Variants in UNC13A observed in about 807,000 individuals in gnomAD.
The protein encoded by UNC13A is unc-13 homolog A, also known as protein unc-13 homolog A.
UNC13A carries 61 observed loss-of-function variants against 219.7 expected under a neutral mutation model. The ratio of observed to expected loss-of-function variants is 0.28; its 90% CI spans 0.23 to 0.34. The LOEUF is 0.34. Ranked by LOEUF, UNC13A falls within the 10% of genes least tolerant of loss-of-function variation. The pLI is 1.00. For synonymous variants in UNC13A, 920 were observed against 884.6 expected, an observed-to-expected ratio of 1.04 and a Z score of -0.71; for missense variants, 1,476 against 2,270.3, an observed-to-expected ratio of 0.65 and a Z score of 7.11.
chr19:17,636,701 T>A (rs2076915883), intron 25 of UNC13A, among the ~76,000 whole-genome samples: 2 of 152,210 alleles, frequency 1.3e-5, no homozygotes, highest in South Asian at 4.1e-4. Flanking sequence ...CCAATCCGAT[T>A]CTACCTATCT....
intron 16 of UNC13A, among the ~76,000 whole-genome samples, 164 bp from the exon 17 acceptor site, chr19:17,647,656 C>T (rs1428027793): frequency 2.0e-5 from 3 of 151,902 alleles, no homozygotes; most frequent in South Asian, 2.1e-4. Context: ...ACCCTTCACC[C>T]TTCCACCTCC....
chr19:17,609,894 T>C (rs2076583306), intron 43 of UNC13A, 46 bp downstream of exon 43: 2 of 1,605,514 alleles, frequency 1.2e-6, no homozygotes, highest in Middle Eastern at 2.2e-4. Flanking sequence ...ACCTGGCGGA[T>C]GCCCCCTCCC....
At chr19:17,650,166 T>C (rs2079316636) in intron 12 of UNC13A, among the ~76,000 whole-genome samples, 1 of 152,170 alleles carries the variant, frequency 6.6e-6, no homozygotes, top group African/African-American at 2.4e-5. Context: ...ATGATGTAAT[T>C]GCCCACCTTG....
At chr19:17,622,969 C>T (rs2076744442) in intron 36 of UNC13A, 2 of 152,354 alleles carry the variant, frequency 1.3e-5, no homozygotes, top group Non-Finnish European at 1.5e-5. Flanking sequence ...ACAAAAGTCT[C>T]CCACTTGGGC....
At chr19:17,642,998 C>A in intron 19 of UNC13A, 38 bp from the exon 20 acceptor site, 1 of 1,553,992 alleles carries the variant, frequency 6.4e-7, no homozygotes, top group East Asian at 2.4e-5. Flanking sequence ...CAGAACTTCC[C>A]ACTATAGCAG....
intron 36 of UNC13A, 166 bp downstream of exon 36, chr19:17,623,375 TC>T: frequency 3.0e-6 from 1 of 337,410 alleles, no homozygotes; most frequent in Non-Finnish European, 5.6e-6. Context: ...CCCCGCCCCC[TC>T]CCCATGCCCC....
chr19:17,662,199 G>A (rs142225912), intron 8 of UNC13A, among the ~76,000 whole-genome samples: 15,010 of 151,512 alleles, frequency 0.099, 826 homozygotes, highest in South Asian at 0.12. Flanking sequence ...GCGAGATTGC[G>A]CCACTGTACT....
At chr19:17,680,421 A>AG (rs940230295) in intron 1 of UNC13A, among the ~76,000 whole-genome samples, 7 of 151,068 alleles carry the variant, frequency 4.6e-5, no homozygotes, top group African/African-American at 1.7e-4. Context: ...GCCGGCGGAC[A>AG]GGGGGGCGGG....
Position 17,629,272 on chromosome 19 carries a change from C to A in UNC13A, c.3721G>T (p.Ala1241Ser), listed in dbSNP as rs1385374269. 6.2e-7 allele frequency: 1 copy of A among 1,612,190 alleles called. No homozygotes were observed. The highest frequency in any genetic ancestry group is 1.7e-5 in the Admixed American group (1 of 59,780). The part of the protein sequence containing the change: ...QYADIISKDF[A>S]SYCSKEKEKV... The stretch of plus-strand genomic sequence containing the variant: ...TCCTTCTCCTTGGAGCAGTAGGAGG[C>A]AAAGTCCTTGGAGATGATGTCTGCA... Residue 1241 changes from alanine (A) to serine (S), a missense_variant, in exon 31 of 44, where the codon GCC becomes TCC. Coordinates refer to ENST00000519716, the MANE Select transcript of UNC13A (RefSeq NM_001080421.3).
chr19:17,671,425 G>T (rs1157322723), intron 4 of UNC13A, among the ~76,000 whole-genome samples: 6 of 152,094 alleles, frequency 3.9e-5, no homozygotes, highest in Non-Finnish European at 4.4e-5. Flanking sequence ...GCATGGAGAG[G>T]TTGAGACTTG....
chr19:17,625,971 A>G (rs1012746264), intron 34 of UNC13A, among the ~76,000 whole-genome samples: 2 of 151,270 alleles, frequency 1.3e-5, no homozygotes, highest in African/African-American at 4.9e-5. Context: ...ACAGACATCT[A>G]TGCATCAATC....
chr19:17,618,278 A>G (rs1194381820), intron 40 of UNC13A, 143 bp downstream of exon 40: 90 of 907,812 alleles, frequency 9.9e-5, no homozygotes, highest in Non-Finnish European at 1.9e-5. Context: ...TAGCCAGCCC[A>G]GCTCTGGCAC....
rs1205997152 is a variant in UNC13A, at chr19:17,649,612, G to C, written c.1440-25C>G. 4 of 1,613,148 alleles carry C rather than the reference G, an allele frequency of 2.5e-6. No individual in the cohort carries two copies. The highest frequency in any genetic ancestry group is 2.5e-6 in the Non-Finnish European group (3 of 1,179,402). On this transcript the variant is annotated intron_variant, in intron 12 of 43. Transcript: ENST00000519716. This position sits in a 1 kb window ranked among gnomAD's most constrained non-coding sequence, Gnocchi z 4.4. ...GCTGAAAGACACAGAGGGACACTGA[G>C]GGCCCAGATGTCCCTATTCCTCACA...
intron 34 of UNC13A, among the ~76,000 whole-genome samples, chr19:17,625,569 G>C (rs538857645): frequency 2.0e-5 from 3 of 149,240 alleles, no homozygotes; most frequent in Admixed American, 6.6e-5. Flanking sequence ...ATCCTTCCAT[G>C]CATCCTTCTA....
intron 21 of UNC13A, among the ~76,000 whole-genome samples, chr19:17,640,884 T>C (rs778167498): frequency 8.8e-4 from 42 of 47,554 alleles, no homozygotes; most frequent in South Asian, 8.2e-3. Flanking sequence ...TTCTTTCTTT[T>C]TTTTTTTTTT....
chr19:17,663,224 CG>C (rs1198582366), intron 8 of UNC13A, among the ~76,000 whole-genome samples: 1 of 151,804 alleles, frequency 6.6e-6, no homozygotes, highest in Non-Finnish European at 1.5e-5. Context: ...GAGTGGGGTG[CG>C]GGGGTCACAG....
intron 38 of UNC13A, 21 bp from the exon 39 acceptor site, chr19:17,618,983 C>T (rs370243423): frequency 1.2e-4 from 187 of 1,613,410 alleles, no homozygotes; most frequent in Non-Finnish European, 1.5e-4. Flanking sequence ...CAACATACAG[C>T]TGGGTGAGGG....
rs1015539766 is a variant in UNC13A at position 17,655,309 on chromosome 19, G to A, written c.1357C>T (p.Arg453Cys). 10 of 1,587,966 alleles carry A rather than the reference G, an allele frequency of 6.3e-6. No homozygotes were observed. The highest frequency in any genetic ancestry group is 4.0e-5 in the African/African-American group (3 of 74,446). The change falls in exon 11 of 44, where the codon CGT (arginine) becomes TGT (cysteine). Residue 453 changes from arginine to cysteine, a missense_variant. Physicochemically the swap from Arg to Cys is radical, Grantham distance 180 (BLOSUM62 -3). Coordinates refer to ENST00000519716, the MANE Select transcript of UNC13A (RefSeq NM_001080421.3). ...TGCATCCGCACCTTGTTGAAGGCAC[G>A]CAGCCAGTTGGCCTTGGCCCTGGAC... Reference protein sequence around the residue: ...SMSRAKANWLRAFNKVRMQLQ... With the variant: ...SMSRAKANWLCAFNKVRMQLQ...
At chr19:17,687,574 G>A (rs1399767199) in intron 1 of UNC13A, among the ~76,000 whole-genome samples, 2 of 151,836 alleles carry the variant, frequency 1.3e-5, no homozygotes, top group Non-Finnish European at 2.9e-5. Context: ...CGCTGGGAGG[G>A]GTCTCCTGTC....
Sources: allele counts gnomAD v4.1 joint callset (sites outside exome capture counted in the v4.1 genomes callset), GRCh38; gene constraint gnomAD v4.1.1; non-coding constraint Gnocchi (gnomAD v3.1); transcripts MANE v1.5; gene names NCBI Gene and HGNC (gene_info 2026-07-23, HGNC 2026-07-21).